The following BCAS4 variants were observed in gnomAD, a reference collection of about 807,000 sequenced individuals.
BCAS4 encodes breast carcinoma amplified sequence 4.
Under a neutral mutation model 15.7 loss-of-function variants are expected in BCAS4, and 9 were observed. That is an observed-to-expected ratio of 0.57 (90% CI 0.34 to 1.00). The LOEUF is 1.00. Ranked by LOEUF, BCAS4 falls within the 50% of genes least tolerant of loss-of-function variation. BCAS4 has a pLI of 0.02. For missense variants in BCAS4, 225 were observed against 239.1 expected (o/e 0.94, Z 0.39); for synonymous variants, 101 against 99.5 (o/e 1.02, Z -0.09).
rs150068003 is a variant in BCAS4, at chr20:50,854,253, C to A, written c.399+12353C>A. Among the ~76,000 whole-genome samples the A allele has an allele frequency of 3.3e-5, 5 of 152,064 alleles. No individual in the cohort carries two copies. In the South Asian group the frequency reaches 1.0e-3, roughly 32 times the overall value. ...GGCCTTGGGAGAGTCTCAACCTCCC[C>A]CTCTGTGAAATGGGTGGCAGTTCTC... is the stretch of plus-strand genomic sequence containing the variant. On this transcript the variant is annotated intron_variant, in intron 4 of 4. Coordinates refer to ENST00000371608, the MANE Select transcript of BCAS4 (RefSeq NM_198799.4).
At chr20:50,809,291 C>T (rs1175840715) in intron 1 of BCAS4, among the ~76,000 whole-genome samples, 1 of 152,014 alleles carries the variant, frequency 6.6e-6, no homozygotes, top group Non-Finnish European at 1.5e-5. Context: ...CTCACTGCAA[C>T]ATCAACCTCC....
At chr20:50,813,199 A>C (rs191068347) in intron 1 of BCAS4, among the ~76,000 whole-genome samples, 3 of 152,320 alleles carry the variant, frequency 2.0e-5, no homozygotes, top group Admixed American at 2.0e-4. Context: ...ACTGGTTTTC[A>C]GAGCAGCTGC....
intron 3 of BCAS4, 79 bp from the exon 4 acceptor site, chr20:50,841,687 C>T: frequency 6.3e-7 from 1 of 1,591,566 alleles, no homozygotes; most frequent in African/African-American, 1.3e-5. Context: ...CCTGGAGTCC[C>T]CACCAGCCCA....
At chr20:50,833,850 C>T (rs1015479417) in intron 3 of BCAS4, among the ~76,000 whole-genome samples, 42 of 152,218 alleles carry the variant, frequency 2.8e-4, no homozygotes, top group African/African-American at 1.0e-3. Context: ...GGGAAGCAGG[C>T]CGGGTGGGGT....
intron 4 of BCAS4, among the ~76,000 whole-genome samples, chr20:50,843,443 T>G (rs941717313): frequency 6.6e-6 from 1 of 152,172 alleles, no homozygotes; most frequent in Non-Finnish European, 1.5e-5. Flanking sequence ...GTCAACTCAT[T>G]CTATTTGGCC....
At chr20:50,865,667 C>G (rs1979319263) in intron 4 of BCAS4, among the ~76,000 whole-genome samples, 2 of 152,220 alleles carry the variant, frequency 1.3e-5, no homozygotes, top group Non-Finnish European at 2.9e-5. Context: ...GCTTCTGTCA[C>G]TAGGGCCTCG....
Position 50,863,248 on chromosome 20 carries a change from C to CTTTTTT in BCAS4, c.400-13216_400-13211dup, listed in dbSNP as rs1054175958. 1.0e-4 allele frequency among the ~76,000 whole-genome samples: 9 copies of CTTTTTT among 86,096 alleles called. 1 individual carries two copies. The highest frequency in any genetic ancestry group is 4.4e-4 in the African/African-American group (8 of 18,324). 56.5% of individuals were successfully genotyped at this position (86,096 alleles called of 152,430 possible). On this transcript the variant is annotated intron_variant, in intron 4 of 4. Coordinates refer to ENST00000371608, the MANE Select transcript of BCAS4 (RefSeq NM_198799.4). ...GTTTTCTTCCCAGAGCTAACTGGTG[C>CTTTTTT]TTTTTTTTTTTTTTTTTTTTTTTTT...
intron 4 of BCAS4, among the ~76,000 whole-genome samples, chr20:50,860,609 C>G (rs955435257): frequency 6.6e-6 from 1 of 152,220 alleles, no homozygotes; most frequent in African/African-American, 2.4e-5. Context: ...GGCGTGGTGG[C>G]TCACGCCTAT....
At chr20:50,850,237 C>T (rs1199376940) in intron 4 of BCAS4, among the ~76,000 whole-genome samples, 1 of 152,232 alleles carries the variant, frequency 6.6e-6, no homozygotes, top group Non-Finnish European at 1.5e-5. Flanking sequence ...TCTCAATTTC[C>T]TGTAACAACA....
rs1978557781 is a variant in BCAS4, at chr20:50,853,449, C to G, written c.399+11549C>G. Among the ~76,000 whole-genome samples, 3 of 152,232 alleles carry G rather than the reference C, an allele frequency of 2.0e-5. No individual in the cohort carries two copies. The South Asian group carries it at 6.2e-4, about 32-fold the overall frequency. On this transcript the variant is annotated intron_variant, in intron 4 of 4. Coordinates refer to ENST00000371608, the MANE Select transcript of BCAS4 (RefSeq NM_198799.4). Reference sequence around the variant, plus strand: ...GCCACCTCACCCAGCCAACACCCCCCTTTCTAATCGGAATGTCACCTTCAG... The same window carrying G: ...GCCACCTCACCCAGCCAACACCCCCGTTTCTAATCGGAATGTCACCTTCAG...
chr20:50,807,931 G>T (rs1206774428), intron 1 of BCAS4, among the ~76,000 whole-genome samples: 1 of 146,414 alleles, frequency 6.8e-6, no homozygotes, highest in Non-Finnish European at 1.5e-5. Context: ...TCTTCAGACG[G>T]GAGTCTCGCT....
chr20:50,831,285 C>T (rs140139380), intron 3 of BCAS4, among the ~76,000 whole-genome samples: 4 of 152,154 alleles, frequency 2.6e-5, no homozygotes, highest in South Asian at 2.1e-4. Flanking sequence ...TAAAATCAAC[C>T]GGGCGTGGTG....
intron 4 of BCAS4, among the ~76,000 whole-genome samples, chr20:50,844,933 G>A (rs1371673051): frequency 6.6e-6 from 1 of 152,168 alleles, no homozygotes; most frequent in Non-Finnish European, 1.5e-5. Flanking sequence ...GGCCCCACAA[G>A]GGCTTTGTCT....
intron 4 of BCAS4, among the ~76,000 whole-genome samples, chr20:50,860,276 T>C (rs1979000900): frequency 6.6e-6 from 1 of 152,210 alleles, no homozygotes; most frequent in Non-Finnish European, 1.5e-5. Flanking sequence ...CCAGTCCGAC[T>C]TGGACTCATT....
chr20:50,840,830 A>G (rs952486498), intron 3 of BCAS4: 6 of 975,666 alleles, frequency 6.1e-6, no homozygotes, highest in African/African-American at 3.2e-5. Flanking sequence ...GAGTTGTCCA[A>G]TTTTATTTAT....
At chr20:50,834,303 T>C (rs1258302621) in intron 3 of BCAS4, among the ~76,000 whole-genome samples, 1 of 147,006 alleles carries the variant, frequency 6.8e-6, no homozygotes, top group Non-Finnish European at 1.5e-5. Flanking sequence ...TTTTTTTTTT[T>C]TTTTTTTTTT....
intron 4 of BCAS4, among the ~76,000 whole-genome samples, chr20:50,859,220 GC>G (rs1978938283): frequency 6.6e-6 from 1 of 152,172 alleles, no homozygotes; most frequent in Non-Finnish European, 1.5e-5. Context: ...GAGATTACAG[GC>G]TTGAGCGACC....
rs566019611 is a variant in BCAS4 at position 50,827,942 on chromosome 20, A to G, written c.163-2337A>G. 1.1e-4 allele frequency among the ~76,000 whole-genome samples: 17 copies of G among 152,250 alleles called. No individual in the cohort carries two copies. In the East Asian group the frequency reaches 2.9e-3, roughly 26 times the overall value. On this transcript the variant is annotated intron_variant, in intron 2 of 4. Coordinates refer to ENST00000371608, the MANE Select transcript of BCAS4 (RefSeq NM_198799.4). ...GGGTTTCTCCATTTTGGCTGTGGCT[A>G]GTCTTGAACTCCTCACCTCAGGTGA...
At chr20:50,815,726 AT>A (rs2088128988) in intron 1 of BCAS4, among the ~76,000 whole-genome samples, 1 of 150,616 alleles carries the variant, frequency 6.6e-6, no homozygotes, top group Non-Finnish European at 1.5e-5. Context: ...GCAGTCGTTT[AT>A]TTTGTTGTGG....
Sources: allele counts gnomAD v4.1 joint callset (sites outside exome capture counted in the v4.1 genomes callset), GRCh38; gene constraint gnomAD v4.1.1; transcripts MANE v1.5; gene names NCBI Gene and HGNC (gene_info 2026-07-23, HGNC 2026-07-21).